THSD7A: variants seen among roughly 807,000 people sequenced by gnomAD.
THSD7A encodes the protein thrombospondin type-1 domain-containing protein 7A.
A neutral mutation model predicts 231.3 loss-of-function variants in THSD7A; 96 were observed. That is an observed-to-expected ratio of 0.41 (90% CI 0.35 to 0.49). The LOEUF is 0.49. Ranked by LOEUF, THSD7A falls within the 20% of genes least tolerant of loss-of-function variation. THSD7A has a pLI of 0.05. For synonymous variants in THSD7A, 940 were observed against 743.3 expected, an observed-to-expected ratio of 1.26 and a Z score of -4.30; for missense variants, 2,290 against 2,070.2, an observed-to-expected ratio of 1.11 and a Z score of -2.06.
intron 23 of THSD7A, among the ~76,000 whole-genome samples, chr7:11,397,342 A>C (rs1454320402): frequency 1.2e-4 from 19 of 152,210 alleles, no homozygotes; most frequent in Admixed American, 1.2e-3. Context: ...TGGTGTCGGG[A>C]AAACTGGCTA....
chr7:11,670,769 AT>A (rs994445147), intron 1 of THSD7A, among the ~76,000 whole-genome samples: 2 of 152,208 alleles, frequency 1.3e-5, no homozygotes, highest in South Asian at 2.1e-4. Flanking sequence ...CTTTCACCCC[AT>A]TTTTTTGAGG....
At chr7:11,475,376 A>C (rs1040402694) in intron 7 of THSD7A, among the ~76,000 whole-genome samples, 1 of 152,006 alleles carries the variant, frequency 6.6e-6, no homozygotes, top group Admixed American at 6.6e-5. Flanking sequence ...CTGCGGCAGC[A>C]CAGCCCCACC....
At chr7:11,819,007 C>T (rs1252790358) in intron 1 of THSD7A, among the ~76,000 whole-genome samples, 1 of 152,142 alleles carries the variant, frequency 6.6e-6, no homozygotes, top group East Asian at 1.9e-4. Context: ...CCTACTCTTG[C>T]TACTATTACT....
Position 11,412,777 on chromosome 7 carries a change from C to A in THSD7A, c.3561G>T (p.Arg1187=), listed in dbSNP as rs367632868. The A allele has an allele frequency of 1.9e-6, 3 of 1,612,612 alleles. No individual in the cohort carries two copies. Among genetic ancestry groups the A allele is most frequent in the Non-Finnish European group, 2.5e-6 (3 of 1,179,194 alleles). The change falls in exon 18 of 28, where the codon CGG becomes CGT. Residue 1187 remains arginine (R), a synonymous_variant. Coordinates refer to ENST00000423059, the MANE Select transcript of THSD7A (RefSeq NM_015204.3). ...GTCTGATGGGATCAGCTGACCTTTG[C>A]CGGAAACTGCTTTGATTGCAAGGCT... ...CVLPCNQSSF[R]QRSADPIRQP... is the part of the protein sequence containing the mutation.
chr7:11,683,623 A>G (rs1046909883), intron 1 of THSD7A, among the ~76,000 whole-genome samples: 21 of 152,218 alleles, frequency 1.4e-4, no homozygotes, highest in Non-Finnish European at 2.4e-4. Flanking sequence ...GAAAATCTAG[A>G]AGAAATGAAT....
chr7:11,424,178 T>A (rs1018239462), intron 16 of THSD7A, among the ~76,000 whole-genome samples: 77 of 150,328 alleles, frequency 5.1e-4, no homozygotes, highest in Admixed American at 9.2e-4. Flanking sequence ...TTTAATTTAA[T>A]TTAAACTTAA....
Position 11,377,162 on chromosome 7 carries a change from C to G in THSD7A, c.4802-505G>C, listed in dbSNP as rs1371518363. 6.6e-6 allele frequency: 1 copy of G among 151,870 alleles called. No individual in the cohort carries two copies. The highest frequency in any genetic ancestry group is 2.4e-5 in the African/African-American group (1 of 41,366). The allele number at this position is 151,870 out of a possible 1,614,324, so 9.4% of individuals were successfully genotyped here. On this transcript the variant is annotated intron_variant, in intron 26 of 27. Coordinates refer to ENST00000423059, the MANE Select transcript of THSD7A (RefSeq NM_015204.3). This position sits in a 1 kb window ranked among gnomAD's most constrained non-coding sequence, Gnocchi z 4.5. ...TTTAAGATTTTATGGAATTAATAAT[C>G]TTTTATCTAGTCTGCACTTACAATG...
intron 4 of THSD7A, among the ~76,000 whole-genome samples, chr7:11,565,231 T>G (rs771687015): frequency 1.2e-4 from 18 of 152,214 alleles, no homozygotes; most frequent in Non-Finnish European, 2.5e-4. Context: ...ATAACAAAAC[T>G]GTAGCATTTA....
chr7:11,552,413 T>A (rs1429903421), intron 4 of THSD7A, among the ~76,000 whole-genome samples: 1 of 152,100 alleles, frequency 6.6e-6, no homozygotes, highest in Non-Finnish European at 1.5e-5. Context: ...GGCCGTTTTT[T>A]AAAAAATAAG....
At chr7:11,570,090 T>C (rs1790556517) in intron 4 of THSD7A, among the ~76,000 whole-genome samples, 1 of 151,846 alleles carries the variant, frequency 6.6e-6, no homozygotes, top group Non-Finnish European at 1.5e-5. Flanking sequence ...GAGGATTGCT[T>C]CACCCAGGAG....
At chr7:11,533,291 T>A (rs62432827) in intron 6 of THSD7A, among the ~76,000 whole-genome samples, 1 of 151,972 alleles carries the variant, frequency 6.6e-6, no homozygotes, top group Non-Finnish European at 1.5e-5. Flanking sequence ...CCATTTCTTA[T>A]GGAAAAGGAA....
At chr7:11,775,807 TA>T (rs1783387072) in intron 1 of THSD7A, among the ~76,000 whole-genome samples, 1 of 152,134 alleles carries the variant, frequency 6.6e-6, no homozygotes, top group Admixed American at 6.6e-5. Context: ...AATTGTACAA[TA>T]AAAAATGGTT....
At chr7:11,517,853 A>G (rs552277675) in intron 6 of THSD7A, among the ~76,000 whole-genome samples, 1 of 152,348 alleles carries the variant, frequency 6.6e-6, no homozygotes, top group South Asian at 2.1e-4. Flanking sequence ...AACATTTATA[A>G]CTGAAGAACC....
At chr7:11,719,652 A>T (rs545609482) in intron 1 of THSD7A, among the ~76,000 whole-genome samples, 1 of 151,566 alleles carries the variant, frequency 6.6e-6, no homozygotes, top group Non-Finnish European at 1.5e-5. Flanking sequence ...ACTCCACTCC[A>T]GTCATTAGAA....
chr7:11,474,253 T>C lies in THSD7A; in HGVS notation c.2252+81A>G. 8.2e-7 allele frequency: 1 copy of C among 1,214,416 alleles called. No homozygotes were observed. Among genetic ancestry groups the C allele is most frequent in the African/African-American group, 1.5e-5 (1 of 66,114 alleles). 75.2% of individuals were successfully genotyped at this position (1,214,416 alleles called of 1,614,324 possible). On this transcript the variant is annotated intron_variant, in intron 8 of 27. Transcript: ENST00000423059. The surrounding 1 kb of genome is among the most constrained non-coding windows in gnomAD (Gnocchi z 4.1). ...GTATGACAAGCATCAAAATGTTCCA[T>C]TTCATGAAGCCAGTGAAGCCTGAGC... is the stretch of plus-strand genomic sequence containing the variant.
intron 2 of THSD7A, among the ~76,000 whole-genome samples, chr7:11,633,331 C>T (rs1489012808): frequency 6.6e-6 from 1 of 152,170 alleles, no homozygotes; most frequent in East Asian, 1.9e-4. Flanking sequence ...ATTTAGAATT[C>T]TCTTCCACTA....
intron 2 of THSD7A, among the ~76,000 whole-genome samples, chr7:11,622,656 GC>G (rs1427308814): frequency 1.3e-5 from 2 of 151,994 alleles, no homozygotes; most frequent in Non-Finnish European, 2.9e-5. Flanking sequence ...CTACCTAAAA[GC>G]TCTATCTTAA....
intron 9 of THSD7A, among the ~76,000 whole-genome samples, chr7:11,463,312 A>G (rs571601888): frequency 1.3e-5 from 2 of 152,238 alleles, no homozygotes; most frequent in South Asian, 4.1e-4. Flanking sequence ...TTTAGAGAGG[A>G]TTTCTGTATT....
At chr7:11,397,857 C>G (rs188187581) in intron 23 of THSD7A, among the ~76,000 whole-genome samples, 1 of 152,174 alleles carries the variant, frequency 6.6e-6, no homozygotes, top group Non-Finnish European at 1.5e-5. Context: ...GAGATACCAT[C>G]TCACACCAAT....
Sources: allele counts gnomAD v4.1 joint callset (sites outside exome capture counted in the v4.1 genomes callset), GRCh38; gene constraint gnomAD v4.1.1; non-coding constraint Gnocchi (gnomAD v3.1); transcripts MANE v1.5; gene names NCBI Gene and HGNC (gene_info 2026-07-23, HGNC 2026-07-21).